Variants in ARHGEF17 observed in about 807,000 individuals in gnomAD.
ARHGEF17 encodes the protein Rho guanine nucleotide exchange factor 17, also known as 164 kDa Rho-specific guanine-nucleotide exchange factor.
Under a neutral mutation model 174.0 loss-of-function variants are expected in ARHGEF17, and 80 were observed. That is an observed-to-expected ratio of 0.46 (90% CI 0.38 to 0.55). The LOEUF is 0.55. Ranked by LOEUF, ARHGEF17 falls within the 20% of genes least tolerant of loss-of-function variation. The pLI is 0.00. For missense variants in ARHGEF17, 2,886 were observed against 2,839.7 expected, an observed-to-expected ratio of 1.02 and a Z score of -0.37; for synonymous variants, 1,311 against 1,189.1, an observed-to-expected ratio of 1.10 and a Z score of -2.11.
chr11:73,363,878 A>T (rs1865791700), intron 16 of ARHGEF17, 45 bp downstream of exon 16: 1 of 1,576,284 alleles, frequency 6.3e-7, no homozygotes. Flanking sequence ...CTTCTCAGCC[A>T]CACGTGCAGG....
At chr11:73,342,050 C>T (rs992836929) in intron 1 of ARHGEF17, among the ~76,000 whole-genome samples, 15 of 151,976 alleles carry the variant, frequency 9.9e-5, no homozygotes, top group Non-Finnish European at 1.6e-4. Flanking sequence ...TCAAGCAGCA[C>T]GTTATGAGGA....
In ARHGEF17 at chr11:73,308,490, A is replaced by T. The variant is rs1864728107; in HGVS notation, c.-149A>T. ...GCCACAGAAACTTGAGCCGCGGCAG[A>T]GAAACCTCTGCTCCGGTCTCTGCGT... On this transcript the variant is annotated 5_prime_UTR_variant, in exon 1 of 21. Transcript: ENST00000263674. 1.5e-6 allele frequency: 1 copy of T among 683,550 alleles called. No individual in the cohort carries two copies. Among genetic ancestry groups the T allele is most frequent in the East Asian group, 3.4e-5 (1 of 29,050 alleles). 42.3% of individuals were successfully genotyped at this position (683,550 alleles called of 1,614,324 possible).
chr11:73,329,022 G>A (rs1865148532), intron 1 of ARHGEF17, among the ~76,000 whole-genome samples: 1 of 151,874 alleles, frequency 6.6e-6, no homozygotes, highest in South Asian at 2.1e-4. Flanking sequence ...CTGATTGCAA[G>A]GTGAATTTTT....
chr11:73,365,016 T>G lies in ARHGEF17; in HGVS notation c.5551-374T>G. The G allele has an allele frequency of 1.3e-5, 4 of 307,408 alleles. No individual in the cohort carries two copies. In the South Asian group the frequency reaches 2.0e-4, roughly 15 times the overall value. 19.0% of individuals were successfully genotyped at this position (307,408 alleles called of 1,614,324 possible). A position where few individuals can be genotyped will look rare whatever the true frequency, so the allele number is the denominator to read the frequency against. On this transcript the variant is annotated intron_variant, in intron 18 of 20. Coordinates refer to ENST00000263674, the MANE Select transcript of ARHGEF17 (RefSeq NM_014786.4). This position sits in a 1 kb window ranked among gnomAD's most constrained non-coding sequence, Gnocchi z 4.9. ...TAATTTCCCTCACTTATTCCATTGT[T>G]GGCTGGGCAGGAGTCCAAAGCCCTG...
At position 73,367,912 on chromosome 11, in the gene ARHGEF17, T is replaced by C. The variant is rs922105661; in HGVS notation, c.*132T>C. On this transcript the variant is annotated 3_prime_UTR_variant, in exon 21 of 21. Transcript: ENST00000263674. ...ACATGTGCCTGCGTGGGCTCTGCCT[T>C]GTCTTCGCGGAAGCATTCCTGATGG... is the stretch of plus-strand genomic sequence containing the variant. 5 of 971,078 alleles carry C rather than the reference T, an allele frequency of 5.1e-6. No individual in the cohort carries two copies. In the Admixed American group the frequency reaches 1.2e-4, roughly 22 times the overall value. 60.2% of individuals were successfully genotyped at this position (971,078 alleles called of 1,614,324 possible).
intron 15 of ARHGEF17, 84 bp downstream of exon 15, chr11:73,363,539 G>C: frequency 1.9e-6 from 3 of 1,542,166 alleles, no homozygotes; most frequent in Non-Finnish European, 2.6e-6. Flanking sequence ...CTGGAGCCAA[G>C]GCAGGAGGGC....
intron 2 of ARHGEF17, among the ~76,000 whole-genome samples, chr11:73,348,269 G>A (rs970737061): frequency 2.0e-5 from 3 of 152,100 alleles, no homozygotes; most frequent in Non-Finnish European, 2.9e-5. Context: ...CCCCTTCTGC[G>A]CTCCAGGTAG....
chr11:73,367,360 T>C (rs529929457), intron 20 of ARHGEF17, among the ~76,000 whole-genome samples: 113 of 152,358 alleles, frequency 7.4e-4, no homozygotes, highest in African/African-American at 2.5e-3. Flanking sequence ...TGGGAAATTA[T>C]GTGACTCCTG....
chr11:73,367,862 A>G lies in ARHGEF17; in HGVS notation c.*82A>G, dbSNP rs918534678. On this transcript the variant is annotated 3_prime_UTR_variant, in exon 21 of 21. Transcript: ENST00000263674. Reference sequence around the variant, plus strand: ...CTCCCTAGCCCACACGCAGACTTTGACCAGGAGTATCCAGCCAGGGGCACA... The same window carrying G: ...CTCCCTAGCCCACACGCAGACTTTGGCCAGGAGTATCCAGCCAGGGGCACA... The G allele has an allele frequency of 4.6e-5, 66 of 1,432,158 alleles. No homozygotes were observed. The highest frequency in any genetic ancestry group is 2.1e-4 in the Admixed American group (11 of 51,476). 88.7% of individuals were successfully genotyped at this position (1,432,158 alleles called of 1,614,324 possible). A position where few individuals can be genotyped will look rare whatever the true frequency, so the allele number is the denominator to read the frequency against.
At chr11:73,342,089 C>T (rs1175197395) in intron 1 of ARHGEF17, among the ~76,000 whole-genome samples, 2 of 151,598 alleles carry the variant, frequency 1.3e-5, no homozygotes, top group Non-Finnish European at 2.9e-5. Context: ...TAGGGGTGCA[C>T]AGTCTAGGTA....
At chr11:73,350,153 G>T (rs542492386) in intron 2 of ARHGEF17, among the ~76,000 whole-genome samples, 2 of 152,324 alleles carry the variant, frequency 1.3e-5, no homozygotes, top group South Asian at 2.1e-4. Context: ...TTTAATCTTT[G>T]TATTAACCTT....
chr11:73,311,421 G>A lies in ARHGEF17; in HGVS notation c.2783G>A (p.Arg928Gln), dbSNP rs767593065. ...IRRGSKKRPA[R>Q]SSHQELRRDE... ...CGAGGCTCCAAGAAGCGCCCAGCTC[G>A]GAGTAGTCACCAGGAGCTTCGGAGA... Residue 928 changes from arginine to glutamine, a missense_variant, in exon 1 of 21, where the codon CGG (arginine) becomes CAG (glutamine). Coordinates refer to ENST00000263674, the MANE Select transcript of ARHGEF17 (RefSeq NM_014786.4). 92 of 1,613,210 alleles carry A rather than the reference G, an allele frequency of 5.7e-5. No homozygotes were observed. Among genetic ancestry groups the A allele is most frequent in the African/African-American group, 1.3e-4 (10 of 74,936 alleles).
chr11:73,356,481 TC>T, intron 6 of ARHGEF17, 130 bp downstream of exon 6: 1 of 1,266,830 alleles, frequency 7.9e-7, no homozygotes, highest in Non-Finnish European at 1.1e-6. Context: ...TGTGTTTGCA[TC>T]CATGTCTGCC....
At chr11:73,345,036 G>A (rs1865437215) in intron 1 of ARHGEF17, among the ~76,000 whole-genome samples, 1 of 152,194 alleles carries the variant, frequency 6.6e-6, no homozygotes, top group Non-Finnish European at 1.5e-5. Context: ...TCTGTGGGGT[G>A]CTGAGATGTC....
At chr11:73,312,581 C>T (rs1328338747) in intron 1 of ARHGEF17, among the ~76,000 whole-genome samples, 1 of 152,182 alleles carries the variant, frequency 6.6e-6, no homozygotes, top group East Asian at 1.9e-4. Context: ...TCTGCCAGAG[C>T]CTCCTCAGAT....
chr11:73,312,263 G>A (rs929283794), intron 1 of ARHGEF17, among the ~76,000 whole-genome samples: 2 of 152,132 alleles, frequency 1.3e-5, no homozygotes, highest in Non-Finnish European at 2.9e-5. Context: ...TTTGGCTCAG[G>A]GGCCACAGTT....
Position 73,363,812 on chromosome 11 carries a change from C to T in ARHGEF17, c.5312C>T (p.Ala1771Val), listed in dbSNP as rs746780248. ...AGGAACAGCATGAAGCTCCAGCATG[C>T]GGCCTCTGTGACCTGCATCTTGTAA... ...DRRNSMKLQH[A>V]ASVTCILYLN... Residue 1771 changes from alanine (A) to valine (V), a missense_variant, in exon 16 of 21, where the codon GCG (alanine) becomes GTG (valine). Around this residue, in one of 4 missense-constraint regions of ARHGEF17, gnomAD observed 329 missense variants for 435.2 expected, o/e 0.76. Transcript: ENST00000263674. 17 of 1,613,836 alleles carry T rather than the reference C, an allele frequency of 1.1e-5. No homozygotes were observed. The highest frequency in any genetic ancestry group is 1.3e-5 in the African/African-American group (1 of 74,938).
At chr11:73,319,393 TC>T (rs2135789435) in intron 1 of ARHGEF17, among the ~76,000 whole-genome samples, 1 of 152,286 alleles carries the variant, frequency 6.6e-6, no homozygotes, top group East Asian at 1.9e-4. Flanking sequence ...CCCTTGTGAT[TC>T]ATTGTGTTCT....
intron 4 of ARHGEF17, 37 bp from the exon 5 acceptor site, chr11:73,355,824 T>C: frequency 6.2e-7 from 1 of 1,612,524 alleles, no homozygotes; most frequent in Non-Finnish European, 8.5e-7. Flanking sequence ...CTTCCTGGCA[T>C]GTCATTCCTC....
Sources: gnomAD v4.1 joint callset for allele counts (sites outside exome capture counted in the v4.1 genomes callset) on GRCh38, gnomAD v4.1.1 for gene constraint, gnomAD v4.1.1 regional missense constraint, Gnocchi (gnomAD v3.1) non-coding constraint, MANE v1.5 for transcripts, NCBI Gene and HGNC (gene_info 2026-07-23, HGNC 2026-07-21) for gene names.